The following OXTR variants were observed in gnomAD, a reference collection of about 807,000 sequenced individuals.
OXTR encodes oxytocin receptor.
A neutral mutation model predicts 23.9 loss-of-function variants in OXTR; 19 were observed. That is an observed-to-expected ratio of 0.80 (90% CI 0.56 to 1.17). The LOEUF is 1.17. OXTR is among the 50% of genes most tolerant of loss of function. OXTR has a pLI of 0.00. For missense variants in OXTR, 500 were observed against 550.7 expected (o/e 0.91, Z 0.92); for synonymous variants, 278 against 250.5 (o/e 1.11, Z -1.04).
chr3:8,768,057 G>A lies in OXTR; in HGVS notation c.131C>T (p.Ala44Val), dbSNP rs771532640. 3 of 1,561,956 alleles carry A rather than the reference G, an allele frequency of 1.9e-6. No homozygotes were observed. The highest frequency in any genetic ancestry group is 2.6e-6 in the Non-Finnish European group (3 of 1,156,762). The change falls in exon 3 of 4, where the codon GCG becomes GTG. Residue 44 changes from alanine (A) to valine (V), a missense_variant. Coordinates refer to ENST00000316793, the MANE Select transcript of OXTR (RefSeq NM_000916.4). The surrounding 1 kb of genome is among the most constrained non-coding windows in gnomAD (Gnocchi z 5.4). ...RNEALARVEV[A>V]VLCLILLLAL... ...CAGGAGCAGGATGAGACACAGCACCGCCACCTCCACGCGCGCCAGGGCCTC... is the reference window on the plus strand; with the variant it reads ...CAGGAGCAGGATGAGACACAGCACCACCACCTCCACGCGCGCCAGGGCCTC...
rs1458451768 is a variant in OXTR at position 8,751,071 on chromosome 3, T to A, written c.*1906A>T. On this transcript the variant is annotated 3_prime_UTR_variant, in exon 4 of 4. Transcript: ENST00000316793. Reference sequence around the variant, plus strand: ...CTTGTCCATCTTTTTATTGTAGCCATCCTAGTGATTGTAAACTGGAATCTC... The same window carrying A: ...CTTGTCCATCTTTTTATTGTAGCCAACCTAGTGATTGTAAACTGGAATCTC... 6.6e-6 allele frequency: 1 copy of A among 152,206 alleles called. No individual in the cohort carries two copies. Among genetic ancestry groups the A allele is most frequent in the Non-Finnish European group, 1.5e-5 (1 of 68,038 alleles). 9.4% of individuals were successfully genotyped at this position (152,206 alleles called of 1,614,324 possible).
intron 3 of OXTR, among the ~76,000 whole-genome samples, chr3:8,765,141 T>C (rs1708577005): frequency 6.6e-6 from 1 of 152,224 alleles, no homozygotes; most frequent in African/African-American, 2.4e-5. Context: ...TCTCTTTTGC[T>C]TCTAAGACAA....
rs191233804 is a variant in OXTR at position 8,760,317 on chromosome 3, T to A, written c.922+6949A>T. Among the ~76,000 whole-genome samples the A allele has an allele frequency of 1.6e-4, 25 of 152,320 alleles. No homozygotes were observed. In the East Asian group the frequency reaches 4.6e-3, roughly 28 times the overall value. The stretch of plus-strand genomic sequence containing the variant: ...TGTCCCTCCCAGAGGTCTGTGGGTG[T>A]ACCCAGAACTCTGTGATCAACCTTG... On this transcript the variant is annotated intron_variant, in intron 3 of 3. Coordinates refer to ENST00000316793, the MANE Select transcript of OXTR (RefSeq NM_000916.4).
At chr3:8,741,317 T>G in the OXTR span, among the ~76,000 whole-genome samples, 1 of 152,208 alleles carries the variant, frequency 6.6e-6, no homozygotes, top group Non-Finnish European at 1.5e-5. Flanking sequence ...AAACATAAAA[T>G]TACTGCATCA....
Position 8,752,748 on chromosome 3 carries a change from CAGGGTGGT to C in OXTR, c.*221_*228del. 1 of 553,174 alleles carries C rather than the reference CAGGGTGGT, an allele frequency of 1.8e-6. No homozygotes were observed. 34.3% of individuals were successfully genotyped at this position (553,174 alleles called of 1,614,324 possible). ...TCACTGCCCAGGGCAGCAGTGGGTT[CAGGGTGGT>C]AGAAGTACGTGTAGGAGGCCAGGGT... On this transcript the variant is annotated 3_prime_UTR_variant, in exon 4 of 4. Coordinates refer to ENST00000316793, the MANE Select transcript of OXTR (RefSeq NM_000916.4).
intron 3 of OXTR, among the ~76,000 whole-genome samples, chr3:8,754,868 T>C (rs1708342569): frequency 2.0e-5 from 3 of 152,068 alleles, no homozygotes; most frequent in Admixed American, 2.0e-4. Context: ...AAGAGCAAGC[T>C]ACGATAGACA....
Position 8,768,301 on chromosome 3 carries a change from A to C in OXTR, c.-114T>G. The C allele has an allele frequency of 4.1e-6, 5 of 1,217,952 alleles. No homozygotes were observed. The highest frequency in any genetic ancestry group is 5.1e-6 in the Non-Finnish European group (5 of 980,988). The allele number at this position is 1,217,952 out of a possible 1,614,324, so 75.4% of individuals were successfully genotyped here. ...GGCGCCCGGGGCTCCACTCCTGGAG[A>C]CTCCACGGACGGATCTGCTGGGTCC... On this transcript the variant is annotated 5_prime_UTR_variant, in exon 3 of 4. Transcript: ENST00000316793. The surrounding 1 kb of genome is among the most constrained non-coding windows in gnomAD (Gnocchi z 5.4).
At chr3:8,745,555 T>C (rs149287333), downstream of OXTR, 46 of 1,614,182 alleles carry the variant, frequency 2.8e-5, no homozygotes, top group African/African-American at 5.7e-4. This position sits in a 1 kb window ranked among gnomAD's most constrained non-coding sequence, Gnocchi z 4.8. Context: ...TCGCAGAGCC[T>C]GTGGGCACCT....
At chr3:8,741,982 C>A in the OXTR span, among the ~76,000 whole-genome samples, 1 of 152,228 alleles carries the variant, frequency 6.6e-6, no homozygotes, top group African/African-American at 2.4e-5. Context: ...CTCTCTCCAA[C>A]TGCACACAGT....
the OXTR span, among the ~76,000 whole-genome samples, chr3:8,744,585 C>T: frequency 6.6e-6 from 1 of 151,214 alleles, no homozygotes; most frequent in Non-Finnish European, 1.5e-5. Context: ...ACAGACAAGA[C>T]AGCTGAGGCT....
At chr3:8,764,845 G>C (rs237894) in intron 3 of OXTR, among the ~76,000 whole-genome samples, 33,171 of 152,098 alleles carry the variant, frequency 0.22, 4,113 homozygotes, top group Non-Finnish European at 0.29. Flanking sequence ...CTGCCGGTCT[G>C]TGTTTGGATT....
downstream of OXTR, chr3:8,746,240 G>A (rs574924076): frequency 5.7e-5 from 11 of 194,544 alleles, no homozygotes; most frequent in South Asian, 3.9e-4. Context: ...GACCACTGGC[G>A]TTAGGAAGGT....
Position 8,767,348 on chromosome 3 carries a change from G to A in OXTR, c.840C>T (p.Ile280=). The part of the protein sequence containing the change: ...KIRTVKMTFI[I]VLAFIVCWTP... ...TCCAGCACACGATGAAGGCCAGCAC[G>A]ATGATGAAAGTCATCTTGACCGTGC... Residue 280 remains isoleucine (I), a synonymous_variant, in exon 3 of 4, where the codon ATC becomes ATT. Transcript: ENST00000316793. The A allele has an allele frequency of 6.2e-7, 1 of 1,612,162 alleles. No individual in the cohort carries two copies. The highest frequency in any genetic ancestry group is 8.5e-7 in the Non-Finnish European group (1 of 1,179,262).
intron 3 of OXTR, among the ~76,000 whole-genome samples, chr3:8,761,980 A>G (rs1032724447): frequency 6.6e-6 from 1 of 152,146 alleles, no homozygotes; most frequent in Non-Finnish European, 1.5e-5. Flanking sequence ...GCTCAGGTGT[A>G]CAGGGTCCGG....
chr3:8,745,721 G>A (rs944503745), downstream of OXTR: 3 of 1,614,172 alleles, frequency 1.9e-6, no homozygotes, highest in South Asian at 2.2e-5. This position sits in a 1 kb window ranked among gnomAD's most constrained non-coding sequence, Gnocchi z 4.8. Flanking sequence ...CTGGGCGGTG[G>A]TGCCATGCAT....
chr3:8,763,241 T>C (rs57793364), intron 3 of OXTR, among the ~76,000 whole-genome samples: 2,847 of 152,218 alleles, frequency 0.019, 87 homozygotes, highest in African/African-American at 0.064. Context: ...AGAATCCCCA[T>C]CTTGTCCATC....
rs756043436 is a variant in OXTR at position 8,767,774 on chromosome 3, G to A, written c.414C>T (p.Cys138=). The A allele has an allele frequency of 3.7e-6, 6 of 1,605,572 alleles. No homozygotes were observed. Among genetic ancestry groups the A allele is most frequent in the African/African-American group, 2.7e-5 (2 of 74,712 alleles). The change falls in exon 3 of 4, where the codon TGC becomes TGT. Residue 138 remains cysteine, a synonymous_variant. Coordinates refer to ENST00000316793, the MANE Select transcript of OXTR (RefSeq NM_000916.4). ...AGCGCAGCGGCTGGCAGATGGCCAG[G>A]CAGCGGTCCAGGGACATGAGCAGCA... ...YLLLLMSLDR[C]LAICQPLRSL...
At chr3:8,747,861 A>G (rs148469187), downstream of OXTR, among the ~76,000 whole-genome samples, 14 of 152,336 alleles carry the variant, frequency 9.2e-5, no homozygotes, top group East Asian at 2.7e-3. Context: ...ATTTGCTATA[A>G]CTGGATTTGA....
At chr3:8,741,285 A>G in the OXTR span, among the ~76,000 whole-genome samples, 1 of 152,238 alleles carries the variant, frequency 6.6e-6, no homozygotes, top group African/African-American at 2.4e-5. Flanking sequence ...TACAAGCACC[A>G]ATGTTTATTG....
Sources: gnomAD v4.1 joint callset for allele counts (sites outside exome capture counted in the v4.1 genomes callset) on GRCh38, gnomAD v4.1.1 for gene constraint, Gnocchi (gnomAD v3.1) non-coding constraint, MANE v1.5 for transcripts, NCBI Gene and HGNC (gene_info 2026-07-23, HGNC 2026-07-21) for gene names.